Variants in CXADR observed in about 807,000 individuals in gnomAD.
CXADR encodes the protein CXADR cell adhesion molecule.
In CXADR, 20 loss-of-function variants were observed where a neutral mutation model predicts 40.3. The observed-to-expected ratio is 0.50, with a 90% CI of 0.35 to 0.72. The LOEUF (loss-of-function observed/expected upper bound fraction) is 0.72, where lower values mean the gene tolerates loss of function less well. Ranked by LOEUF, CXADR falls within the 30% of genes least tolerant of loss-of-function variation. The pLI, the probability that CXADR is intolerant of heterozygous loss-of-function variation, is 0.01. For missense variants in CXADR, 332 were observed against 449.1 expected, an observed-to-expected ratio of 0.74 and a Z score of 2.36; for synonymous variants, 150 against 161.3, an observed-to-expected ratio of 0.93 and a Z score of 0.53.
At chr21:17,606,725 CA>C in the CXADR span, among the ~76,000 whole-genome samples, 49 of 152,114 alleles carry the variant, frequency 3.2e-4, 1 homozygote, top group South Asian at 6.4e-3. Context: ...AACTACTCTT[CA>C]AAAACAAAAT....
At chr21:17,613,069 C>G in the CXADR span, 2 of 151,898 alleles carry the variant, frequency 1.3e-5, no homozygotes, top group Non-Finnish European at 2.9e-5. Flanking sequence ...CCTAGCCGCA[C>G]GGGAGGCGAC....
chr21:17,530,114 A>ATTTTTTT (rs56341807), intron 1 of CXADR, among the ~76,000 whole-genome samples: 106 of 94,940 alleles, frequency 1.1e-3, no homozygotes, highest in Admixed American at 1.6e-3. Context: ...ATGCCAGGCT[A>ATTTTTTT]TTTTTTTTTT....
the CXADR span, among the ~76,000 whole-genome samples, chr21:17,635,430 T>G: frequency 6.6e-6 from 1 of 152,194 alleles, no homozygotes; most frequent in African/African-American, 2.4e-5. Context: ...GTTAGTAAAT[T>G]AGAATTTTTC....
chr21:17,587,640 T>G (rs1459943126), intron 7 of CXADR, among the ~76,000 whole-genome samples: 1 of 152,224 alleles, frequency 6.6e-6, no homozygotes, highest in Non-Finnish European at 1.5e-5. Flanking sequence ...ATATTAGCCC[T>G]TTGTCAGGTG....
rs183683508 is a variant in CXADR, at chr21:17,569,966, T to C, written c.*4274T>C. 3.0e-6 allele frequency: 3 copies of C among 985,306 alleles called. No individual in the cohort carries two copies. The highest frequency in any genetic ancestry group is 3.6e-6 in the Non-Finnish European group (3 of 829,936). The allele number at this position is 985,306 out of a possible 1,614,324, so 61.0% of individuals were successfully genotyped here. On this transcript the variant is annotated 3_prime_UTR_variant, in exon 7 of 7. Transcript: ENST00000284878. ...GAACTGACAGTGTCAGTTTCAGATTTTGTATGTACGATTTCTGGCTTATAT... is the reference window on the plus strand; with the variant it reads ...GAACTGACAGTGTCAGTTTCAGATTCTGTATGTACGATTTCTGGCTTATAT...
chr21:17,585,920 C>A (rs2061392502), intron 7 of CXADR, among the ~76,000 whole-genome samples: 1 of 152,102 alleles, frequency 6.6e-6, no homozygotes, highest in Non-Finnish European at 1.5e-5. Flanking sequence ...CATTAAAATT[C>A]TCCATTACCA....
In CXADR at chr21:17,561,460, G is replaced by A. The variant is rs2061119622; in HGVS notation, c.817G>A (p.Val273Ile). The change falls in exon 6 of 7, where the codon GTT becomes ATT. Residue 273 changes from valine to isoleucine, a missense_variant. Physicochemically the swap from Val to Ile is conservative, Grantham distance 29. Coordinates refer to ENST00000284878, the MANE Select transcript of CXADR (RefSeq NM_001338.5). ...KRREEKYEKE[V>I]HHDIREDVPP... ...CAGAGAAGAAAAATATGAAAAGGAA[G>A]TTCATCACGATATCAGGTAATTAAG... 3.7e-6 allele frequency: 6 copies of A among 1,608,432 alleles called. No individual in the cohort carries two copies. The highest frequency in any genetic ancestry group is 4.2e-6 in the Non-Finnish European group (5 of 1,177,432).
the CXADR span, among the ~76,000 whole-genome samples, chr21:17,599,478 T>TC: frequency 6.8e-6 from 1 of 146,890 alleles, no homozygotes; most frequent in African/African-American, 2.6e-5. Context: ...CTGGCTGATT[T>TC]TTTTTTTTTT....
chr21:17,556,308 G>A (rs2061035064), intron 3 of CXADR, among the ~76,000 whole-genome samples: 1 of 152,210 alleles, frequency 6.6e-6, no homozygotes, highest in South Asian at 2.1e-4. Context: ...CCTCTTCCCA[G>A]TGGAAAGCAG....
intron 1 of CXADR, among the ~76,000 whole-genome samples, chr21:17,534,030 CTATA>C (rs5842647): frequency 2.1e-5 from 2 of 96,104 alleles, no homozygotes; most frequent in Non-Finnish European, 4.1e-5. Flanking sequence ...ATATATATAG[CTATA>C]TATATATATA....
chr21:17,530,488 C>T, intron 1 of CXADR: 1 of 445,078 alleles, frequency 2.2e-6, no homozygotes, highest in Non-Finnish European at 4.5e-6. Context: ...ACTGATGGAC[C>T]CTTTTTCCCA....
chr21:17,619,799 T>C, the CXADR span, among the ~76,000 whole-genome samples: 2 of 118,390 alleles, frequency 1.7e-5, no homozygotes, highest in Non-Finnish European at 3.8e-5. Flanking sequence ...TCAGTTTCTC[T>C]ATCAGCATTT....
the CXADR span, among the ~76,000 whole-genome samples, chr21:17,600,441 C>T: frequency 1.3e-5 from 2 of 152,180 alleles, no homozygotes; most frequent in South Asian, 4.1e-4. Flanking sequence ...TAATTCATTT[C>T]AAGATAGCAC....
intron 7 of CXADR, among the ~76,000 whole-genome samples, chr21:17,592,597 A>C (rs557969291): frequency 6.6e-6 from 1 of 151,904 alleles, no homozygotes; most frequent in Non-Finnish European, 1.5e-5. Flanking sequence ...TCAAGGACCC[A>C]TAAGGAAGCA....
downstream of CXADR, among the ~76,000 whole-genome samples, chr21:17,575,090 A>C (rs140046465): frequency 2.0e-4 from 30 of 150,694 alleles, no homozygotes; most frequent in African/African-American, 6.8e-4. Flanking sequence ...TCAGCCAGTG[A>C]GAAAGATAAT....
chr21:17,513,384 C>T (rs1404927286), intron 1 of CXADR, among the ~76,000 whole-genome samples: 1 of 151,536 alleles, frequency 6.6e-6, no homozygotes, highest in Non-Finnish European at 1.5e-5. Flanking sequence ...GCAGGGCGCG[C>T]GGAGTGCCCG....
At chr21:17,560,600 T>G in intron 4 of CXADR, 102 bp from the exon 5 acceptor site, 1 of 1,215,302 alleles carries the variant, frequency 8.2e-7, no homozygotes, top group Non-Finnish European at 1.2e-6. Context: ...TCTGTCTTGC[T>G]TTTAACTGGA....
chr21:17,602,158 CAAA>C, the CXADR span, among the ~76,000 whole-genome samples: 1 of 140,084 alleles, frequency 7.1e-6, no homozygotes, highest in Non-Finnish European at 1.6e-5. Context: ...CAGAAATCAC[CAAA>C]AAAAAAAAAA....
chr21:17,631,041 T>G, the CXADR span, among the ~76,000 whole-genome samples: 3 of 152,160 alleles, frequency 2.0e-5, no homozygotes, highest in African/African-American at 7.2e-5. Context: ...TGAACCAAAT[T>G]TGAGATTCTC....
Sources: gnomAD v4.1 joint callset for allele counts (sites outside exome capture counted in the v4.1 genomes callset) on GRCh38, gnomAD v4.1.1 for gene constraint, MANE v1.5 for transcripts, NCBI Gene and HGNC (gene_info 2026-07-23, HGNC 2026-07-21) for gene names.